Variants in CEP128 observed in about 807,000 individuals in gnomAD.
CEP128 encodes centrosomal protein 128.
Under a neutral mutation model 156.7 loss-of-function variants are expected in CEP128, and 132 were observed. That is an observed-to-expected ratio of 0.84 (90% CI 0.73 to 0.97). The LOEUF (loss-of-function observed/expected upper bound fraction) is 0.97. Among genes scored for constraint, CEP128 ranks in the 50% least tolerant of loss-of-function variants. The pLI is 0.00. For missense variants in CEP128, 1,252 were observed against 1,281.9 expected, an observed-to-expected ratio of 0.98 and a Z score of 0.36; for synonymous variants, 469 against 448.9, an observed-to-expected ratio of 1.04 and a Z score of -0.57.
At chr14:80,690,540 G>C (rs1896686853) in intron 19 of CEP128, among the ~76,000 whole-genome samples, 1 of 151,946 alleles carries the variant, frequency 6.6e-6, no homozygotes, top group Non-Finnish European at 1.5e-5. Context: ...ACTTATCCAG[G>C]ATATTTAAAG....
Position 80,706,698 on chromosome 14 carries a change from C to A in CEP128, c.2806+36377G>T, listed in dbSNP as rs185379068. Among the ~76,000 whole-genome samples, 54 of 152,200 alleles carry A rather than the reference C, an allele frequency of 3.5e-4. No individual in the cohort carries two copies. The South Asian group carries it at 0.011, about 30-fold the overall frequency. On this transcript the variant is annotated intron_variant, in intron 19 of 24. Coordinates refer to ENST00000555265, the MANE Select transcript of CEP128 (RefSeq NM_152446.5). ...TTTGTGTCTTTTACCAAAGTTGGAGCTTTCAATCATTATGTCCTCAAATAT... is the reference window on the plus strand; with the variant it reads ...TTTGTGTCTTTTACCAAAGTTGGAGATTTCAATCATTATGTCCTCAAATAT...
At chr14:80,487,361 C>T (rs1426796482), downstream of CEP128, among the ~76,000 whole-genome samples, 1 of 152,142 alleles carries the variant, frequency 6.6e-6, no homozygotes, top group African/African-American at 2.4e-5. Flanking sequence ...TACTGGAGCA[C>T]CCAGATTCAT....
intron 20 of CEP128, among the ~76,000 whole-genome samples, chr14:80,561,690 C>T (rs1009587790): frequency 6.6e-6 from 1 of 152,092 alleles, no homozygotes; most frequent in Non-Finnish European, 1.5e-5. Context: ...TAGGCGATTT[C>T]ATATAATGTC....
chr14:80,866,742 C>T (rs998611169), intron 8 of CEP128, among the ~76,000 whole-genome samples: 3 of 152,162 alleles, frequency 2.0e-5, no homozygotes, highest in Non-Finnish European at 2.9e-5. Context: ...AACATGGTAT[C>T]ACTAAGAGAA....
chr14:80,663,627 C>T (rs574623771), intron 19 of CEP128, among the ~76,000 whole-genome samples: 6 of 152,208 alleles, frequency 3.9e-5, no homozygotes, highest in Non-Finnish European at 5.9e-5. Flanking sequence ...GACTGAGCCT[C>T]TTCTCTGTGC....
chr14:80,770,784 CA>C (rs943105140), intron 16 of CEP128, among the ~76,000 whole-genome samples: 4 of 151,252 alleles, frequency 2.6e-5, no homozygotes, highest in African/African-American at 4.9e-5. Context: ...TCTGTAGCAC[CA>C]AAAAAAAGAC....
intron 19 of CEP128, among the ~76,000 whole-genome samples, chr14:80,641,147 T>A (rs1170362894): frequency 6.6e-6 from 1 of 152,206 alleles, no homozygotes; most frequent in Non-Finnish European, 1.5e-5. Flanking sequence ...TCTCTCTGCA[T>A]CCATAACCAA....
Position 80,792,753 on chromosome 14 carries a change from T to C in CEP128, c.1560+7A>G. On this transcript the variant is annotated splice_region_variant and intron_variant, in intron 14 of 24. Transcript: ENST00000555265. ...AAAACCGTTCCTTAGGAATGTGGCT[T>C]TTATACCTGATTATTCTTGCCTGTC... 6.2e-7 allele frequency: 1 copy of C among 1,611,118 alleles called. No homozygotes were observed.
chr14:80,679,220 A>C (rs1352822478), intron 19 of CEP128, among the ~76,000 whole-genome samples: 1 of 152,192 alleles, frequency 6.6e-6, no homozygotes, highest in African/African-American at 2.4e-5. Flanking sequence ...AATGAACAGA[A>C]TAACAGCGAT....
chr14:80,721,235 A>G (rs190443219), intron 19 of CEP128, among the ~76,000 whole-genome samples: 12 of 152,302 alleles, frequency 7.9e-5, no homozygotes, highest in Admixed American at 5.2e-4. Flanking sequence ...TTCAGGTTAC[A>G]TTCATCATCT....
At chr14:80,637,072 G>A (rs1479458353) in intron 19 of CEP128, among the ~76,000 whole-genome samples, 2 of 148,856 alleles carry the variant, frequency 1.3e-5, no homozygotes, top group African/African-American at 2.5e-5. Context: ...GACATCAAGA[G>A]CGAAACTCCG....
At chr14:80,760,760 T>G (rs1236513179) in intron 17 of CEP128, among the ~76,000 whole-genome samples, 1 of 152,144 alleles carries the variant, frequency 6.6e-6, no homozygotes, top group South Asian at 2.1e-4. Context: ...ATCACTTCTG[T>G]GTTTATTTAT....
chr14:80,625,844 CT>C (rs1893694574), intron 19 of CEP128, among the ~76,000 whole-genome samples: 1 of 135,390 alleles, frequency 7.4e-6, no homozygotes, highest in Non-Finnish European at 1.6e-5. Context: ...TTTCTTTTTT[CT>C]CTTTCTTTCC....
intron 19 of CEP128, among the ~76,000 whole-genome samples, chr14:80,739,835 A>G (rs1254156588): frequency 2.0e-5 from 3 of 152,182 alleles, no homozygotes; most frequent in African/African-American, 7.2e-5. Context: ...AATGTAATAC[A>G]TAACTGAAAT....
chr14:80,754,192 T>C (rs1272860952), intron 18 of CEP128, among the ~76,000 whole-genome samples: 5 of 152,206 alleles, frequency 3.3e-5, no homozygotes, highest in Non-Finnish European at 7.3e-5. Flanking sequence ...TCCCCTGCCA[T>C]TCTCTGTGTC....
At chr14:80,611,681 G>A (rs1447722854) in intron 19 of CEP128, among the ~76,000 whole-genome samples, 1 of 152,130 alleles carries the variant, frequency 6.6e-6, no homozygotes, top group African/African-American at 2.4e-5. Flanking sequence ...AAAAATTATA[G>A]CTTCACTCTA....
intron 19 of CEP128, among the ~76,000 whole-genome samples, chr14:80,727,175 G>A (rs1191389056): frequency 2.6e-5 from 4 of 152,094 alleles, no homozygotes; most frequent in Admixed American, 6.5e-5. Flanking sequence ...GTCTAACATC[G>A]ACCTTATACC....
At chr14:80,565,868 C>G (rs548335061) in intron 20 of CEP128, among the ~76,000 whole-genome samples, 1 of 152,140 alleles carries the variant, frequency 6.6e-6, no homozygotes, top group South Asian at 2.1e-4. Flanking sequence ...CTGGTGAGTA[C>G]AGTTGAAAAG....
intron 19 of CEP128, among the ~76,000 whole-genome samples, chr14:80,620,984 T>C (rs1470708742): frequency 6.6e-6 from 1 of 152,176 alleles, no homozygotes; most frequent in East Asian, 1.9e-4. Flanking sequence ...CACAGCATGA[T>C]ATATACCAAA....
Sources: gnomAD v4.1 joint callset for allele counts (sites outside exome capture counted in the v4.1 genomes callset) on GRCh38, gnomAD v4.1.1 for gene constraint, MANE v1.5 for transcripts, NCBI Gene and HGNC (gene_info 2026-07-23, HGNC 2026-07-21) for gene names.